The following SPIRE1 variants were observed in gnomAD, a reference collection of about 807,000 sequenced individuals.
The protein encoded by SPIRE1 is protein spire homolog 1.
In SPIRE1, 40 loss-of-function variants were observed where a neutral mutation model predicts 94.1. The observed-to-expected ratio is 0.43, with a 90% CI of 0.33 to 0.55. The LOEUF (loss-of-function observed/expected upper bound fraction) is 0.55. Ranked by LOEUF, SPIRE1 falls within the 20% of genes least tolerant of loss-of-function variation. SPIRE1 has a pLI of 0.06. For missense variants in SPIRE1, 838 were observed against 975.2 expected, an observed-to-expected ratio of 0.86 and a Z score of 1.87; for synonymous variants, 376 against 371.7, an observed-to-expected ratio of 1.01 and a Z score of -0.13.
intron 8 of SPIRE1, among the ~76,000 whole-genome samples, chr18:12,488,815 G>A (rs2033130302): frequency 6.6e-6 from 1 of 152,180 alleles, no homozygotes; most frequent in Non-Finnish European, 1.5e-5. Context: ...CTAATGTATA[G>A]TATGTTTTAA....
At position 12,454,492 on chromosome 18, in the gene SPIRE1, C is replaced by A. The variant is rs2031410230; in HGVS notation, c.1639-9G>T. ...GGGTAGCAGAATTCCTCCTGAAATT[C>A]AAAATGTCACGTGAATAAGAGATTC... On this transcript the variant is annotated splice_polypyrimidine_tract_variant and intron_variant, in intron 12 of 16. Coordinates refer to ENST00000409402, the MANE Select transcript of SPIRE1 (RefSeq NM_001128626.2). The A allele has an allele frequency of 1.2e-6, 2 of 1,613,888 alleles. No homozygotes were observed. The highest frequency in any genetic ancestry group is 1.7e-6 in the Non-Finnish European group (2 of 1,179,950).
At chr18:12,532,013 A>C (rs2034696744) in intron 4 of SPIRE1, among the ~76,000 whole-genome samples, 1 of 152,146 alleles carries the variant, frequency 6.6e-6, no homozygotes, top group Non-Finnish European at 1.5e-5. Context: ...AGCTATACTT[A>C]ACTTACAAGG....
intron 2 of SPIRE1, among the ~76,000 whole-genome samples, chr18:12,626,888 T>TATATATATATATATATATATATA (rs1567976766): frequency 4.4e-5 from 2 of 45,772 alleles, no homozygotes; most frequent in African/African-American, 1.1e-4. Context: ...ATATATATAT[T>TATATATATATATATATATATATA]TTTTTTTTTT....
At chr18:12,549,158 C>A (rs2035262278) in intron 2 of SPIRE1, among the ~76,000 whole-genome samples, 1 of 152,084 alleles carries the variant, frequency 6.6e-6, no homozygotes, top group Admixed American at 6.6e-5. Context: ...GACGGCAGAG[C>A]CTAACACTGT....
At chr18:12,572,497 A>G (rs565910682) in intron 2 of SPIRE1, among the ~76,000 whole-genome samples, 1 of 152,282 alleles carries the variant, frequency 6.6e-6, no homozygotes, top group African/African-American at 2.4e-5. Context: ...CTGTGGTCCC[A>G]GCTATTTGGG....
rs567532189 is a variant in SPIRE1, at chr18:12,623,993, G to A, written c.372+11069C>T. Among the ~76,000 whole-genome samples, 10 of 150,462 alleles carry A rather than the reference G, an allele frequency of 6.6e-5. No homozygotes were observed. In the East Asian group the frequency reaches 1.8e-3, roughly 27 times the overall value. ...GGTTGGTGCGCCCTGGAGTGGTCTC[G>A]GCTCACTGCAACCTCTGCCTCAAGG... On this transcript the variant is annotated intron_variant, in intron 2 of 16. Transcript: ENST00000409402.
At chr18:12,617,156 ACTATT>A (rs2037332301) in intron 2 of SPIRE1, among the ~76,000 whole-genome samples, 1 of 87,202 alleles carries the variant, frequency 1.1e-5, no homozygotes, top group African/African-American at 3.9e-5. Context: ...AACCATGCTC[ACTATT>A]TTTTTTTTTT....
rs2035615694 is a variant in SPIRE1, at chr18:12,559,269, C to A, written c.373-12365G>T. Among the ~76,000 whole-genome samples, 1 of 152,150 alleles carries A rather than the reference C, an allele frequency of 6.6e-6. No homozygotes were observed. The highest frequency in any genetic ancestry group is 6.5e-5 in the Admixed American group (1 of 15,288). Reference sequence around the variant, plus strand: ...AGCTGAGGCCTAGTGAGAATTCGAGCACAGTGCAGGCGGGCCAGCAGTGCT... The same window carrying A: ...AGCTGAGGCCTAGTGAGAATTCGAGAACAGTGCAGGCGGGCCAGCAGTGCT... On this transcript the variant is annotated intron_variant, in intron 2 of 16. Transcript: ENST00000409402. The surrounding 1 kb of genome is among the most constrained non-coding windows in gnomAD (Gnocchi z 4.7).
At chr18:12,617,662 G>A (rs1004633772) in intron 2 of SPIRE1, among the ~76,000 whole-genome samples, 9 of 151,800 alleles carry the variant, frequency 5.9e-5, no homozygotes, top group African/African-American at 1.7e-4. Context: ...CCACCACCTC[G>A]GCCTCCCAAA....
intron 2 of SPIRE1, among the ~76,000 whole-genome samples, chr18:12,558,639 C>T (rs1231510185): frequency 3.3e-5 from 5 of 152,042 alleles, no homozygotes; most frequent in Admixed American, 2.6e-4. Context: ...TTTACAATCC[C>T]TGAGCTACAC....
chr18:12,612,915 G>C (rs1025335217), intron 2 of SPIRE1, among the ~76,000 whole-genome samples: 3 of 152,228 alleles, frequency 2.0e-5, no homozygotes, highest in African/African-American at 7.2e-5. Flanking sequence ...CGACCACCTT[G>C]TTAAAAATTG....
chr18:12,611,378 C>T (rs1374760337), intron 2 of SPIRE1, among the ~76,000 whole-genome samples: 1 of 152,222 alleles, frequency 6.6e-6, no homozygotes, highest in African/African-American at 2.4e-5. Context: ...CTGAAAGAAG[C>T]TGGCTGCCTT....
chr18:12,490,270 A>C (rs988152346), intron 8 of SPIRE1, among the ~76,000 whole-genome samples: 6 of 152,142 alleles, frequency 3.9e-5, no homozygotes, highest in African/African-American at 1.4e-4. Flanking sequence ...TAGCAACTAC[A>C]TATAATTTTA....
chr18:12,595,303 CAATAAT>C lies in SPIRE1; in HGVS notation c.372+39753_372+39758del, dbSNP rs557912088. On this transcript the variant is annotated intron_variant, in intron 2 of 16. Transcript: ENST00000409402. ...CCAGGGCAACAGAGCCAGACCCTGT[CAATAAT>C]AATAATAATAACAATAATACAGGAT... Among the ~76,000 whole-genome samples, 365 of 151,692 alleles carry C rather than the reference CAATAAT, an allele frequency of 2.4e-3. 3 individuals are homozygous for C. Among genetic ancestry groups the C allele is most frequent in the South Asian group, 0.014 (68 of 4,808 alleles).
chr18:12,573,818 C>T (rs113980972), intron 2 of SPIRE1, among the ~76,000 whole-genome samples: 68 of 152,120 alleles, frequency 4.5e-4, no homozygotes, highest in African/African-American at 1.4e-3. Context: ...CGGCTCACTG[C>T]AAGCTCCGCC....
intron 2 of SPIRE1, among the ~76,000 whole-genome samples, chr18:12,601,903 T>C (rs970933074): frequency 1.3e-5 from 2 of 152,088 alleles, no homozygotes; most frequent in African/African-American, 4.8e-5. Context: ...TTTGGCCTCA[T>C]CTTGTCCTTC....
chr18:12,649,306 G>A (rs1244971793), intron 1 of SPIRE1, among the ~76,000 whole-genome samples: 3 of 152,126 alleles, frequency 2.0e-5, no homozygotes, highest in African/African-American at 7.2e-5. Flanking sequence ...CTACATGGGA[G>A]GCTGAGGTAG....
chr18:12,457,465 CCCCA>C (rs2031565253), intron 12 of SPIRE1, among the ~76,000 whole-genome samples: 1 of 112,744 alleles, frequency 8.9e-6, no homozygotes. Context: ...GGGAGCCCTT[CCCCA>C]CCACGGCACT....
intron 4 of SPIRE1, among the ~76,000 whole-genome samples, chr18:12,531,811 T>G (rs923665992): frequency 3.9e-5 from 6 of 152,180 alleles, no homozygotes; most frequent in Non-Finnish European, 7.3e-5. Context: ...TAAAGGATAC[T>G]ACCATTAATA....
Sources: gnomAD v4.1 joint callset for allele counts (sites outside exome capture counted in the v4.1 genomes callset) on GRCh38, gnomAD v4.1.1 for gene constraint, Gnocchi (gnomAD v3.1) non-coding constraint, MANE v1.5 for transcripts, NCBI Gene and HGNC (gene_info 2026-07-23, HGNC 2026-07-21) for gene names.